JAKMIP3: variants seen among roughly 807,000 people sequenced by gnomAD.
JAKMIP3 encodes janus kinase and microtubule-interacting protein 3.
A neutral mutation model predicts 118.5 loss-of-function variants in JAKMIP3; 58 were observed. That is an observed-to-expected ratio of 0.49 (90% confidence interval 0.40 to 0.61). JAKMIP3 has a LOEUF of 0.61. JAKMIP3 is among the 20% of genes least tolerant of loss of function. The probability of loss-of-function intolerance (pLI) is 0.00; values close to 1 mark genes in which losing one functional copy is unlikely to be tolerated. For synonymous variants in JAKMIP3, 486 were observed against 451.2 expected, an observed-to-expected ratio of 1.08 and a Z score of -0.98; for missense variants, 950 against 1,109.0, an observed-to-expected ratio of 0.86 and a Z score of 2.04.
intron 23 of JAKMIP3, among the ~76,000 whole-genome samples, chr10:132,180,749 G>A (rs1398630870): frequency 5.3e-5 from 1 of 18,768 alleles, no homozygotes; most frequent in African/African-American, 3.1e-4. Context: ...GTGCGTGCGC[G>A]CGCGTGTGTG....
intron 1 of JAKMIP3, among the ~76,000 whole-genome samples, chr10:132,036,988 G>C (rs1295717790): frequency 6.6e-6 from 1 of 151,728 alleles, no homozygotes; most frequent in African/African-American, 2.4e-5. Flanking sequence ...GCGCTGGCGT[G>C]ACGCGGCCGC....
At chr10:132,102,411 C>T (rs1589814823) in intron 1 of JAKMIP3, among the ~76,000 whole-genome samples, 1 of 152,182 alleles carries the variant, frequency 6.6e-6, no homozygotes, top group Admixed American at 6.5e-5. Flanking sequence ...ACCTTCCTCC[C>T]TCTGTACCCC....
chr10:132,121,767 T>C (rs2048572287), intron 3 of JAKMIP3, among the ~76,000 whole-genome samples: 1 of 152,116 alleles, frequency 6.6e-6, no homozygotes, highest in Non-Finnish European at 1.5e-5. Context: ...CCTTGCTACT[T>C]AGCGCCACAC....
In JAKMIP3 at chr10:132,179,419, C is replaced by T. The variant is rs562178325; in HGVS notation, c.*1104-2938C>T. Among the ~76,000 whole-genome samples, 2 of 152,316 alleles carry T rather than the reference C, an allele frequency of 1.3e-5. No homozygotes were observed. Among genetic ancestry groups the T allele is most frequent in the South Asian group, 4.1e-4 (2 of 4,826 alleles). On this transcript the variant is annotated intron_variant, in intron 23 of 23. Coordinates refer to ENST00000684848, the MANE Select transcript of JAKMIP3 (RefSeq NM_001323087.2). This position sits in a 1 kb window ranked among gnomAD's most constrained non-coding sequence, Gnocchi z 4.3. The stretch of plus-strand genomic sequence containing the variant: ...GCTCAGCCACCTGAGCAGCACTTTC[C>T]TGCCCCCTCCCTGAGAACTGGGAGC...
chr10:132,180,628 T>TGTGC (rs1554962992), intron 23 of JAKMIP3, among the ~76,000 whole-genome samples: 6 of 32,722 alleles, frequency 1.8e-4, no homozygotes, highest in Admixed American at 7.2e-4. Flanking sequence ...TGTGTGTGCG[T>TGTGC]GTGTGCGTGC....
chr10:132,107,452 AT>A (rs768959317), intron 2 of JAKMIP3, among the ~76,000 whole-genome samples: 4 of 152,190 alleles, frequency 2.6e-5, no homozygotes, highest in Non-Finnish European at 4.4e-5. Context: ...CCTGCGGGGC[AT>A]GTTTAGTTGT....
Position 132,079,003 on chromosome 10 carries a change from G to A in JAKMIP3, c.-138+12942G>A, listed in dbSNP as rs1215696676. On this transcript the variant is annotated intron_variant, in intron 1 of 23. Transcript: ENST00000684848. Reference sequence around the variant, plus strand: ...GGTGGCCCTGAAGGCTCAGACAAGCGGCGCATGGGAGTGACCCAAATGCCC... The same window carrying A: ...GGTGGCCCTGAAGGCTCAGACAAGCAGCGCATGGGAGTGACCCAAATGCCC... Among the ~76,000 whole-genome samples the A allele has an allele frequency of 3.9e-5, 6 of 152,178 alleles. No homozygotes were observed. In the East Asian group the frequency reaches 5.8e-4, roughly 15 times the overall value.
At chr10:132,159,535 TGGG>T (rs2057628977) in intron 19 of JAKMIP3, among the ~76,000 whole-genome samples, 2 of 122,658 alleles carry the variant, frequency 1.6e-5, no homozygotes, top group East Asian at 2.8e-4. Context: ...TGTGTGATGC[TGGG>T]AGGGTCTCTC....
intron 1 of JAKMIP3, among the ~76,000 whole-genome samples, chr10:132,048,679 T>TTC (rs1564850771): frequency 6.7e-6 from 1 of 150,086 alleles, no homozygotes. Flanking sequence ...TTTTTTTTTT[T>TTC]TTTGAGATGG....
chr10:132,125,227 G>T (rs375625534), intron 3 of JAKMIP3, among the ~76,000 whole-genome samples: 2 of 152,098 alleles, frequency 1.3e-5, no homozygotes, highest in African/African-American at 4.8e-5. Flanking sequence ...TCTATAATTC[G>T]TCCGAGTTCG....
intron 4 of JAKMIP3, among the ~76,000 whole-genome samples, chr10:132,134,506 G>A (rs1259735783): frequency 1.3e-5 from 2 of 152,190 alleles, no homozygotes; most frequent in Admixed American, 6.5e-5. Flanking sequence ...TCCCAAAAGC[G>A]GCTCTTTAGA....
intron 14 of JAKMIP3, among the ~76,000 whole-genome samples, chr10:132,148,847 C>T (rs913193769): frequency 2.0e-5 from 3 of 152,222 alleles, no homozygotes; most frequent in African/African-American, 7.2e-5. Flanking sequence ...CCGAGCACCA[C>T]ACACAGCCCC....
chr10:132,156,422 G>T (rs1009498687), intron 19 of JAKMIP3, among the ~76,000 whole-genome samples: 4 of 152,162 alleles, frequency 2.6e-5, no homozygotes, highest in African/African-American at 9.7e-5. Context: ...ATCCAGCTAG[G>T]GATCAGCCTA....
chr10:132,183,718 C>G lies in JAKMIP3; in HGVS notation c.*2465C>G. On this transcript the variant is annotated 3_prime_UTR_variant, in exon 24 of 24. Coordinates refer to ENST00000684848, the MANE Select transcript of JAKMIP3 (RefSeq NM_001323087.2). ...AGCGTCAGTTCCTCTCCTTAGATAT[C>G]ATTGTTTTCACTCGTCTATCATAGG... 6.6e-6 allele frequency: 1 copy of G among 152,170 alleles called. No individual in the cohort carries two copies. The highest frequency in any genetic ancestry group is 1.9e-4 in the East Asian group (1 of 5,198). 9.4% of individuals were successfully genotyped at this position (152,170 alleles called of 1,614,324 possible). A position where few individuals can be genotyped will look rare whatever the true frequency, so the allele number is the denominator to read the frequency against.
chr10:132,063,143 G>A (rs1023047663), upstream of JAKMIP3, among the ~76,000 whole-genome samples: 2 of 152,162 alleles, frequency 1.3e-5, no homozygotes, highest in South Asian at 2.1e-4. Flanking sequence ...GAAAGGACAG[G>A]TGACAACTGC....
chr10:132,057,905 CT>C (rs1658633112), intron 1 of JAKMIP3, among the ~76,000 whole-genome samples: 3 of 152,258 alleles, frequency 2.0e-5, no homozygotes, highest in Admixed American at 2.0e-4. Context: ...TGTGACCACA[CT>C]GCACACTGGT....
intron 21 of JAKMIP3, among the ~76,000 whole-genome samples, chr10:132,165,646 C>G (rs533019448): frequency 9.2e-5 from 14 of 152,356 alleles, no homozygotes; most frequent in African/African-American, 3.4e-4. Flanking sequence ...GAGGAGCCCA[C>G]AGATGCTCTG....
At chr10:132,071,252 T>A (rs1261278007) in intron 1 of JAKMIP3, among the ~76,000 whole-genome samples, 2 of 152,126 alleles carry the variant, frequency 1.3e-5, no homozygotes, top group East Asian at 3.8e-4. Flanking sequence ...CTCGTTCAAT[T>A]TCTTTTTGGC....
chr10:132,167,806 CA>C (rs1236143099), intron 22 of JAKMIP3, 146 bp from the exon 23 acceptor site: 12 of 422,306 alleles, frequency 2.8e-5, no homozygotes, highest in African/African-American at 1.4e-4. Flanking sequence ...CTTCGGTCCT[CA>C]CCCCTCACCC....
Sources: allele counts gnomAD v4.1 joint callset (sites outside exome capture counted in the v4.1 genomes callset), GRCh38; gene constraint gnomAD v4.1.1; non-coding constraint Gnocchi (gnomAD v3.1); transcripts MANE v1.5; gene names NCBI Gene and HGNC (gene_info 2026-07-23, HGNC 2026-07-21).